KAZN: variants seen among roughly 807,000 people sequenced by gnomAD.
The protein encoded by KAZN is kazrin, periplakin interacting protein.
Under a neutral mutation model 87.4 loss-of-function variants are expected in KAZN, and 40 were observed. The ratio of observed to expected loss-of-function variants is 0.46; its 90% confidence interval spans 0.36 to 0.60. The LOEUF is 0.60. Among genes scored for constraint, KAZN ranks in the 20% least tolerant of loss-of-function variants. KAZN has a pLI of 0.00. For missense variants in KAZN, 898 were observed against 1,073.9 expected, an observed-to-expected ratio of 0.84 and a Z score of 2.29; for synonymous variants, 466 against 458.3, an observed-to-expected ratio of 1.02 and a Z score of -0.22.
intron 1 of KAZN, among the ~76,000 whole-genome samples, chr1:14,619,005 G>C (rs976184964): frequency 6.6e-6 from 1 of 152,140 alleles, no homozygotes; most frequent in African/African-American, 2.4e-5. Flanking sequence ...CGACAGCATG[G>C]CTTGTTGGAG....
intron 1 of KAZN, among the ~76,000 whole-genome samples, chr1:13,949,873 C>A (rs1641281653): frequency 6.6e-6 from 1 of 152,192 alleles, no homozygotes; most frequent in African/African-American, 2.4e-5. Flanking sequence ...AGCCGAGACA[C>A]CATCCAGTTT....
intron 1 of KAZN, among the ~76,000 whole-genome samples, chr1:14,955,095 T>A (rs1275315428): frequency 6.6e-6 from 1 of 152,226 alleles, no homozygotes; most frequent in African/African-American, 2.4e-5. Flanking sequence ...GGAACCCATG[T>A]TGTGAAGGCC....
At chr1:14,049,495 C>A (rs1305496562) in intron 1 of KAZN, among the ~76,000 whole-genome samples, 1 of 152,078 alleles carries the variant, frequency 6.6e-6, no homozygotes, top group Non-Finnish European at 1.5e-5. Flanking sequence ...AAGAACCTTC[C>A]AATGAGTACC....
At chr1:14,615,721 G>A (rs1255604553) in intron 1 of KAZN, among the ~76,000 whole-genome samples, 2 of 152,170 alleles carry the variant, frequency 1.3e-5, no homozygotes, top group Non-Finnish European at 2.9e-5. Context: ...GTAGGCTGTG[G>A]CTTCGCCACC....
rs372331155 is a variant in KAZN at position 14,934,800 on chromosome 1, C to T, written c.227-25884C>T. On this transcript the variant is annotated intron_variant, in intron 1 of 14. Coordinates refer to ENST00000376030, the MANE Select transcript of KAZN (RefSeq NM_201628.3). Reference sequence around the variant, plus strand: ...CTAAATACTCAATTGCCCATCCTGGCCTCCAGTCGCCCCCTCCATCTCTCC... The same window carrying T: ...CTAAATACTCAATTGCCCATCCTGGTCTCCAGTCGCCCCCTCCATCTCTCC... 4.5e-4 allele frequency among the ~76,000 whole-genome samples: 69 copies of T among 152,356 alleles called. 1 individual carries two copies. The East Asian group carries it at 0.012, about 26-fold the overall frequency.
intron 1 of KAZN, among the ~76,000 whole-genome samples, chr1:14,875,801 C>A (rs552859614): frequency 6.6e-6 from 1 of 152,330 alleles, no homozygotes; most frequent in Admixed American, 6.5e-5. Context: ...TACACCACTG[C>A]CTGTTGCCTT....
chr1:13,894,186 C>G (rs552663155), intron 1 of KAZN, among the ~76,000 whole-genome samples: 4 of 152,292 alleles, frequency 2.6e-5, no homozygotes, highest in South Asian at 2.1e-4. Flanking sequence ...TCTATGCCCC[C>G]CCAGCCCCTG....
Position 14,270,248 on chromosome 1 carries a change from CTA to C in KAZN, c.249+89657_249+89658del, listed in dbSNP as rs773354772. Among the ~76,000 whole-genome samples the C allele has an allele frequency of 4.1e-4, 62 of 152,310 alleles. 1 individual carries two copies. The highest frequency in any genetic ancestry group is 6.2e-4 in the South Asian group (3 of 4,822). ...AGGTGTGGAATCTCCAGCCTTGGAT[CTA>C]CGGCAGTGGGGCCAGCCCCACTAAA... On this transcript the variant is annotated intron_variant, in intron 2 of 16. Transcript: ENST00000636203.
intron 2 of KAZN, among the ~76,000 whole-genome samples, chr1:14,965,266 C>G (rs1005309196): frequency 2.0e-5 from 3 of 151,990 alleles, no homozygotes; most frequent in African/African-American, 7.2e-5. Flanking sequence ...GCAGTCTGCC[C>G]GGGTCGGCTT....
chr1:14,813,855 C>T (rs1158009858), intron 1 of KAZN, among the ~76,000 whole-genome samples: 2 of 152,150 alleles, frequency 1.3e-5, no homozygotes, highest in South Asian at 4.1e-4. Flanking sequence ...TTAAACAAGA[C>T]AGAGGATGTA....
At chr1:13,982,734 CAA>C (rs940638805) in intron 1 of KAZN, among the ~76,000 whole-genome samples, 6 of 152,196 alleles carry the variant, frequency 3.9e-5, no homozygotes, top group African/African-American at 9.7e-5. Context: ...AGTATCAACA[CAA>C]AGGTTCTCCA....
At chr1:14,783,964 A>C (rs999491023) in intron 1 of KAZN, among the ~76,000 whole-genome samples, 2 of 152,204 alleles carry the variant, frequency 1.3e-5, no homozygotes, top group African/African-American at 4.8e-5. Context: ...TGTGGACAGC[A>C]GTGACCCCTA....
intron 1 of KAZN, among the ~76,000 whole-genome samples, chr1:13,913,777 A>G (rs558229242): frequency 6.6e-6 from 1 of 152,364 alleles, no homozygotes; most frequent in South Asian, 2.1e-4. Context: ...AAGCTTGTTT[A>G]AAACACAGGC....
chr1:13,954,525 A>G (rs1452718601), intron 1 of KAZN, among the ~76,000 whole-genome samples: 2 of 152,248 alleles, frequency 1.3e-5, no homozygotes, highest in Non-Finnish European at 2.9e-5. Flanking sequence ...AAAACAACAT[A>G]GAAGCATGGC....
At chr1:15,063,530 C>T (rs1319276475) in intron 6 of KAZN, 42 bp from the exon 7 acceptor site, 6 of 1,578,290 alleles carry the variant, frequency 3.8e-6, no homozygotes, top group Non-Finnish European at 5.2e-6. Context: ...CCTGTGTCAC[C>T]TGTCTCTGCT....
At chr1:14,183,584 G>GT (rs1646244020) in intron 2 of KAZN, among the ~76,000 whole-genome samples, 1 of 151,958 alleles carries the variant, frequency 6.6e-6, no homozygotes, top group Non-Finnish European at 1.5e-5. Context: ...GATTAGATTC[G>GT]TAACACCGAA....
chr1:15,079,132 C>T (rs1417187151), intron 8 of KAZN, among the ~76,000 whole-genome samples: 9 of 152,138 alleles, frequency 5.9e-5, no homozygotes, highest in Non-Finnish European at 8.8e-5. Flanking sequence ...GCATCTGGCT[C>T]AGTGGTGAGT....
At chr1:14,191,618 T>C (rs1646421232) in intron 2 of KAZN, among the ~76,000 whole-genome samples, 1 of 152,178 alleles carries the variant, frequency 6.6e-6, no homozygotes, top group African/African-American at 2.4e-5. Context: ...ATTGGAGTTA[T>C]GCTGTATCCG....
At chr1:14,332,350 A>G (rs573892664) in intron 2 of KAZN, among the ~76,000 whole-genome samples, 1 of 152,270 alleles carries the variant, frequency 6.6e-6, no homozygotes, top group South Asian at 2.1e-4. Context: ...GAGGTGTGGA[A>G]TTGCTGAGTC....
Sources: allele counts gnomAD v4.1 joint callset (sites outside exome capture counted in the v4.1 genomes callset), GRCh38; gene constraint gnomAD v4.1.1; transcripts MANE v1.5; gene names NCBI Gene and HGNC (gene_info 2026-07-23, HGNC 2026-07-21).